Variants in DIP2A observed in about 807,000 individuals in gnomAD.
The protein encoded by DIP2A is DIP2 acetate--CoA ligase A.
In DIP2A, 85 loss-of-function variants were observed where a neutral mutation model predicts 177.4. The ratio of observed to expected loss-of-function variants is 0.48; its 90% CI spans 0.40 to 0.57. DIP2A has a LOEUF of 0.57. Ranked by LOEUF, DIP2A falls within the 20% of genes least tolerant of loss-of-function variation. DIP2A has a pLI of 0.00. For synonymous variants in DIP2A, 886 were observed against 881.8 expected (o/e 1.00, Z -0.08); for missense variants, 1,791 against 2,100.2 (o/e 0.85, Z 2.88).
intron 3 of DIP2A, among the ~76,000 whole-genome samples, chr21:46,493,354 T>TTAAAG (rs55780131): frequency 0.35 from 52,938 of 151,652 alleles, 9,515 homozygotes; most frequent in Middle Eastern, 0.45. Flanking sequence ...GCAATAATGT[T>TTAAAG]TAGGGGAATC....
intron 32 of DIP2A, among the ~76,000 whole-genome samples, chr21:46,559,946 C>CA: frequency 6.6e-6 from 1 of 152,362 alleles, no homozygotes; most frequent in South Asian, 2.1e-4. Context: ...GAATTCTAGA[C>CA]AAACATGTTT....
At chr21:46,468,822 G>A (rs1393516316) in intron 1 of DIP2A, among the ~76,000 whole-genome samples, 2 of 152,096 alleles carry the variant, frequency 1.3e-5, no homozygotes, top group African/African-American at 4.8e-5. Flanking sequence ...TATTAAATAT[G>A]CACGAGTTCT....
intron 2 of DIP2A, among the ~76,000 whole-genome samples, chr21:46,485,102 ATTTAT>A (rs2056598694): frequency 6.6e-6 from 1 of 152,056 alleles, no homozygotes; most frequent in Non-Finnish European, 1.5e-5. Flanking sequence ...CCCAAAGAGG[ATTTAT>A]TTTATTTTTA....
chr21:46,459,271 C>T (rs377135933), intron 1 of DIP2A, 49 bp downstream of exon 1: 2 of 1,447,506 alleles, frequency 1.4e-6, no homozygotes, highest in Admixed American at 2.4e-5. Context: ...TCAGCCCGGT[C>T]CCCCGCGCAG....
At chr21:46,477,986 A>G (rs2056054186) in intron 1 of DIP2A, among the ~76,000 whole-genome samples, 1 of 152,156 alleles carries the variant, frequency 6.6e-6, no homozygotes, top group Non-Finnish European at 1.5e-5. Flanking sequence ...CAGTTGACTC[A>G]GAACATTTGG....
At chr21:46,484,302 C>T (rs147978268) in intron 1 of DIP2A, among the ~76,000 whole-genome samples, 59 of 152,272 alleles carry the variant, frequency 3.9e-4, no homozygotes, top group Non-Finnish European at 6.9e-4. Context: ...GTAAAATTCA[C>T]CCTTACTCTT....
At chr21:46,528,205 G>A (rs374831679) in intron 8 of DIP2A, among the ~76,000 whole-genome samples, 1 of 151,940 alleles carries the variant, frequency 6.6e-6, no homozygotes, top group African/African-American at 2.4e-5. Context: ...TTCTCTTTGG[G>A]GATGGCTGGT....
chr21:46,527,325 G>GTTTTTTTTT lies in DIP2A; in HGVS notation c.1103-1755_1103-1747dup, dbSNP rs58453285. ...GGCTAAAACAGTGGTTTGAGTTGAGGTTTTTTTTTTTTTTTTTTTTGAGAG... is the reference window on the plus strand; with the variant it reads ...GGCTAAAACAGTGGTTTGAGTTGAGGTTTTTTTTTTTTTTTTTTTTTTTTTTTTTGAGAG... On this transcript the variant is annotated intron_variant, in intron 8 of 37. Transcript: ENST00000417564. Among the ~76,000 whole-genome samples the GTTTTTTTTT allele has an allele frequency of 7.6e-5, 8 of 105,590 alleles. 1 individual carries two copies. The highest frequency in any genetic ancestry group is 1.2e-4 in the Non-Finnish European group (7 of 56,340). 69.3% of individuals were successfully genotyped at this position (105,590 alleles called of 152,430 possible). A position where few individuals can be genotyped will look rare whatever the true frequency, so the allele number is the denominator to read the frequency against.
At position 46,509,283 on chromosome 21, in the gene DIP2A, T is replaced by C. The variant is rs758815526; in HGVS notation, c.811T>C (p.Ser271Pro). 8 of 1,613,706 alleles carry C rather than the reference T, an allele frequency of 5.0e-6. No homozygotes were observed. The highest frequency in any genetic ancestry group is 6.8e-6 in the Non-Finnish European group (8 of 1,179,764). Residue 271 changes from serine (S) to proline (P), a missense_variant, in exon 7 of 38, where the codon TCC becomes CCC. By Grantham distance (74) the Ser-to-Pro change is moderately conservative. Transcript: ENST00000417564. The part of the protein sequence containing the change: ...DGVPVNSRVS[S>P]KIQQLLNTLK... ...TGTCCCTGTGAACAGCAGAGTGTCC[T>C]CCAAAATCCAGCAGCTTCTGAACAC...
At chr21:46,546,348 C>G (rs2060038516) in intron 20 of DIP2A, 2 of 1,033,444 alleles carry the variant, frequency 1.9e-6, no homozygotes, top group Non-Finnish European at 2.3e-6. Context: ...AATTTTGCCC[C>G]TTCCCTCCCA....
intron 6 of DIP2A, 77 bp from the exon 7 acceptor site, chr21:46,509,180 G>A (rs1212272302): frequency 6.7e-7 from 1 of 1,491,798 alleles, no homozygotes; most frequent in Non-Finnish European, 9.0e-7. Context: ...CGTGTGGTTT[G>A]TCCTTGGACC....
At chr21:46,474,589 G>A (rs969109192) in intron 1 of DIP2A, among the ~76,000 whole-genome samples, 3 of 152,200 alleles carry the variant, frequency 2.0e-5, no homozygotes. Context: ...AGGCAAAGAT[G>A]ACTGTACTTC....
At chr21:46,570,511 C>A (rs1016580922), downstream of DIP2A, among the ~76,000 whole-genome samples, 1 of 152,078 alleles carries the variant, frequency 6.6e-6, no homozygotes, top group East Asian at 1.9e-4. Flanking sequence ...AGAATTATAA[C>A]CTCCATATAC....
At chr21:46,521,570 G>A (rs2058826389) in intron 8 of DIP2A, among the ~76,000 whole-genome samples, 1 of 152,180 alleles carries the variant, frequency 6.6e-6, no homozygotes, top group African/African-American at 2.4e-5. Flanking sequence ...CATTATTGAT[G>A]TCAAACCCAA....
At chr21:46,534,242 G>A (rs577762965) in intron 12 of DIP2A, 129 bp downstream of exon 12, 1 of 724,480 alleles carries the variant, frequency 1.4e-6, no homozygotes, top group South Asian at 1.8e-5. Context: ...TTTTATCTCT[G>A]CCCTGGAAAT....
chr21:46,482,282 G>A (rs996231403), intron 1 of DIP2A, among the ~76,000 whole-genome samples: 2 of 152,036 alleles, frequency 1.3e-5, no homozygotes, highest in East Asian at 1.9e-4. Flanking sequence ...TAGATGTTTC[G>A]GGCAACGATT....
chr21:46,471,624 T>A (rs2839271), intron 1 of DIP2A, among the ~76,000 whole-genome samples: 1 of 152,104 alleles, frequency 6.6e-6, no homozygotes, highest in East Asian at 1.9e-4. Context: ...AGAAAACTAT[T>A]GTCAGTGAAG....
Position 46,498,653 on chromosome 21 carries a change from A to G in DIP2A, c.475A>G (p.Ser159Gly). The G allele has an allele frequency of 6.2e-7, 1 of 1,613,668 alleles. No individual in the cohort carries two copies. Among genetic ancestry groups the G allele is most frequent in the Non-Finnish European group, 8.5e-7 (1 of 1,179,838 alleles). ...PGRLTSTPLQ[S>G]HSSVEPWLDR... ...GCGACTCACCTCCACTCCGCTCCAG[A>G]GCCATTCCAGCGTCGAGCCCTGGCT... The change falls in exon 5 of 38, where the codon AGC becomes GGC. Residue 159 changes from serine to glycine, a missense_variant. Ser to Gly is a moderately conservative substitution (Grantham distance 56). Transcript: ENST00000417564. This position sits in a 1 kb window ranked among gnomAD's most constrained non-coding sequence, Gnocchi z 4.3.
chr21:46,488,066 T>C (rs573512535), intron 2 of DIP2A, among the ~76,000 whole-genome samples: 22 of 152,262 alleles, frequency 1.4e-4, no homozygotes, highest in Non-Finnish European at 2.5e-4. Flanking sequence ...TTGTATATGC[T>C]TTATAGTCAC....
Sources: gnomAD v4.1 joint callset for allele counts (sites outside exome capture counted in the v4.1 genomes callset) on GRCh38, gnomAD v4.1.1 for gene constraint, Gnocchi (gnomAD v3.1) non-coding constraint, MANE v1.5 for transcripts, NCBI Gene and HGNC (gene_info 2026-07-23, HGNC 2026-07-21) for gene names.